CLASP1: variants seen among roughly 807,000 people sequenced by gnomAD.
CLASP1 encodes the protein cytoplasmic linker associated protein 1.
A neutral mutation model predicts 192.3 loss-of-function variants in CLASP1; 38 were observed. That is an observed-to-expected ratio of 0.20 (90% CI 0.15 to 0.26). The LOEUF (loss-of-function observed/expected upper bound fraction) is 0.26, where lower values mean the gene tolerates loss of function less well. Among genes scored for constraint, CLASP1 ranks in the 10% least tolerant of loss-of-function variants. CLASP1 has a pLI of 1.00. For synonymous variants in CLASP1, 691 were observed against 712.8 expected (o/e 0.97, Z 0.49); for missense variants, 1,433 against 1,932.5 (o/e 0.74, Z 4.85).
At chr2:121,630,516 C>G (rs1455011210) in intron 1 of CLASP1, among the ~76,000 whole-genome samples, 1 of 151,956 alleles carries the variant, frequency 6.6e-6, no homozygotes, top group Non-Finnish European at 1.5e-5. Flanking sequence ...AAAACTTATT[C>G]CTGCCTCGTC....
At chr2:121,475,297 TTAAC>T (rs533882686) in intron 8 of CLASP1, among the ~76,000 whole-genome samples, 75 of 152,348 alleles carry the variant, frequency 4.9e-4, no homozygotes, top group Admixed American at 4.5e-3. Context: ...ATTTGAAAAC[TTAAC>T]TAACATACTG....
chr2:121,530,982 T>G (rs770336192), intron 2 of CLASP1: 2 of 700,368 alleles, frequency 2.9e-6, no homozygotes, highest in Non-Finnish European at 5.2e-6. Flanking sequence ...GAGCTTTTGC[T>G]TTATTTTGGT....
At chr2:121,450,455 G>C (rs1559246761) in intron 16 of CLASP1, among the ~76,000 whole-genome samples, 2 of 152,146 alleles carry the variant, frequency 1.3e-5, no homozygotes, top group Non-Finnish European at 2.9e-5. Context: ...AGTTATCACT[G>C]TGATAATCCC....
At chr2:121,386,126 G>C (rs548235355) in intron 32 of CLASP1, among the ~76,000 whole-genome samples, 1 of 152,314 alleles carries the variant, frequency 6.6e-6, no homozygotes, top group Admixed American at 6.5e-5. Flanking sequence ...GAAACCTTCA[G>C]TGATAAGGAA....
chr2:121,431,682 C>T (rs1436072504), intron 19 of CLASP1, among the ~76,000 whole-genome samples: 3 of 151,344 alleles, frequency 2.0e-5, no homozygotes, highest in African/African-American at 4.8e-5. Flanking sequence ...CTAAACCTCT[C>T]GTATTCTACT....
exon 35 of CLASP1, chr2:121,367,654 T>C (rs373849955): frequency 6.2e-7 from 1 of 1,614,014 alleles, no homozygotes. Context: ...TCGTAGGTGT[T>C]GATGGCATCT....
At chr2:121,461,288 A>G (rs1268098940) in intron 10 of CLASP1, 95 bp from the exon 11 acceptor site, 2 of 683,142 alleles carry the variant, frequency 2.9e-6, no homozygotes, top group Admixed American at 6.9e-5. Flanking sequence ...AAGTATGGTA[A>G]AAGAAATTAT....
At chr2:121,623,095 T>A (rs1192536550) in intron 1 of CLASP1, among the ~76,000 whole-genome samples, 1 of 152,036 alleles carries the variant, frequency 6.6e-6, no homozygotes, top group African/African-American at 2.4e-5. Flanking sequence ...TTTTAAAAAA[T>A]TAAAGACTAT....
intron 30 of CLASP1, among the ~76,000 whole-genome samples, chr2:121,394,225 T>G (rs535157600): frequency 6.6e-6 from 1 of 152,338 alleles, no homozygotes; most frequent in African/African-American, 2.4e-5. Flanking sequence ...CTTAATCAGT[T>G]GACTTTGAGT....
Position 121,397,483 on chromosome 2 carries a change from A to C in CLASP1, c.2980-200T>G, listed in dbSNP as rs556827532. Reference sequence around the variant, plus strand: ...GATGGGTAAGTTTGGGGACAGGAAGAGGCACATGGCTCAGTTTTCTTCATT... The same window carrying C: ...GATGGGTAAGTTTGGGGACAGGAAGCGGCACATGGCTCAGTTTTCTTCATT... On this transcript the variant is annotated intron_variant, in intron 29 of 39. Coordinates refer to ENST00000263710, the Ensembl canonical transcript of CLASP1. 3.3e-5 allele frequency among the ~76,000 whole-genome samples: 5 copies of C among 152,318 alleles called. No homozygotes were observed. In the East Asian group the frequency reaches 9.6e-4, roughly 29 times the overall value.
intron 1 of CLASP1, among the ~76,000 whole-genome samples, chr2:121,632,751 C>T (rs1489832273): frequency 6.6e-6 from 1 of 151,910 alleles, no homozygotes; most frequent in Non-Finnish European, 1.5e-5. Flanking sequence ...ACAAAATTAG[C>T]CAGGCATGGT....
chr2:121,596,357 G>A lies in CLASP1; in HGVS notation c.195+9344C>T, dbSNP rs185410979. ...AAAAATGGACAGTCTCTGAAAAGATGTGTCACTTGGTGGCAGTAGCGAGGA... is the reference window on the plus strand; with the variant it reads ...AAAAATGGACAGTCTCTGAAAAGATATGTCACTTGGTGGCAGTAGCGAGGA... On this transcript the variant is annotated intron_variant, in intron 2 of 39. Transcript: ENST00000263710. 1.2e-4 allele frequency among the ~76,000 whole-genome samples: 18 copies of A among 152,342 alleles called. No individual in the cohort carries two copies. In the East Asian group the frequency reaches 3.3e-3, roughly 28 times the overall value.
chr2:121,511,345 T>A (rs2094129272), intron 7 of CLASP1, among the ~76,000 whole-genome samples: 2 of 152,088 alleles, frequency 1.3e-5, no homozygotes, highest in East Asian at 3.9e-4. Context: ...TCCCAGCACT[T>A]TGGGAGGCCG....
intron 1 of CLASP1, among the ~76,000 whole-genome samples, chr2:121,644,914 T>C (rs775899100): frequency 6.9e-6 from 1 of 144,870 alleles, no homozygotes; most frequent in Non-Finnish European, 1.5e-5. Flanking sequence ...GCCATGACCA[T>C]GCCACTGCAC....
chr2:121,427,544 A>G (rs114495689), intron 20 of CLASP1, 114 bp from the exon 21 acceptor site: 1 of 1,019,658 alleles, frequency 9.8e-7, no homozygotes, highest in African/African-American at 1.6e-5. Flanking sequence ...CAAATACATT[A>G]GCAAAACAGC....
intron 13 of CLASP1, among the ~76,000 whole-genome samples, chr2:121,458,509 G>GT (rs2087171592): frequency 6.6e-6 from 1 of 152,150 alleles, no homozygotes; most frequent in Non-Finnish European, 1.5e-5. Flanking sequence ...GACTAAGGAG[G>GT]TAAGACTAAG....
At chr2:121,564,272 T>C (rs2059329551) in intron 2 of CLASP1, among the ~76,000 whole-genome samples, 3 of 152,212 alleles carry the variant, frequency 2.0e-5, no homozygotes, top group Admixed American at 2.0e-4. Flanking sequence ...TCCATTCTTC[T>C]ATAAATGTTC....
At chr2:121,466,807 T>C (rs1038500367) in intron 9 of CLASP1, among the ~76,000 whole-genome samples, 2 of 152,204 alleles carry the variant, frequency 1.3e-5, no homozygotes, top group Admixed American at 1.3e-4. Context: ...TTTTATCTTA[T>C]TTATTTTTAT....
intron 14 of CLASP1, among the ~76,000 whole-genome samples, chr2:121,454,678 T>C (rs112321688): frequency 0.011 from 1,664 of 152,304 alleles, 28 homozygotes; most frequent in Admixed American, 0.053. Context: ...GTTCATGCCA[T>C]CCAGTCTGTA....
Sources: gnomAD v4.1 joint callset for allele counts (sites outside exome capture counted in the v4.1 genomes callset) on GRCh38, gnomAD v4.1.1 for gene constraint, MANE v1.5 for transcripts, NCBI Gene and HGNC (gene_info 2026-07-23, HGNC 2026-07-21) for gene names.